NEUROD1: variants seen among roughly 807,000 people sequenced by gnomAD.
NEUROD1 encodes the protein neurogenic differentiation factor 1.
In NEUROD1, 9 loss-of-function variants were observed where a neutral mutation model predicts 21.8. The observed-to-expected ratio is 0.41, with a 90% CI of 0.25 to 0.72. The LOEUF is 0.72. Ranked by LOEUF, NEUROD1 falls within the 30% of genes least tolerant of loss-of-function variation. The pLI is 0.31. For synonymous variants in NEUROD1, 199 were observed against 186.2 expected, an observed-to-expected ratio of 1.07 and a Z score of -0.56; for missense variants, 434 against 468.8, an observed-to-expected ratio of 0.93 and a Z score of 0.69.
At chr2:181,679,123 C>A (rs1182068540) in intron 1 of NEUROD1, among the ~76,000 whole-genome samples, 1 of 152,130 alleles carries the variant, frequency 6.6e-6, no homozygotes, top group Non-Finnish European at 1.5e-5. Flanking sequence ...TATGTGTACA[C>A]CACTCACGCA....
chr2:181,679,255 TACTC>T (rs1688655101), intron 1 of NEUROD1, among the ~76,000 whole-genome samples: 1 of 148,878 alleles, frequency 6.7e-6, no homozygotes, highest in Non-Finnish European at 1.5e-5. Flanking sequence ...TGTTCAAAGT[TACTC>T]ACAACTCCAT....
exon 2 of NEUROD1, among the ~76,000 whole-genome samples, chr2:181,671,021 G>T (rs1040924984): frequency 8.5e-6 from 1 of 118,278 alleles, no homozygotes; most frequent in Non-Finnish European, 1.8e-5. Flanking sequence ...TATAGCATAT[G>T]TGTGCACACA....
rs966229949 is a variant in NEUROD1 at position 181,677,240 on chromosome 2, A to G, written c.*550T>C. ...TTAGTTAAATTATTTTGTATAAATTAGATATAATTCTACTTTTCTGATATG... is the reference window on the plus strand; with the variant it reads ...TTAGTTAAATTATTTTGTATAAATTGGATATAATTCTACTTTTCTGATATG... On this transcript the variant is annotated 3_prime_UTR_variant, in exon 2 of 2. Coordinates refer to ENST00000295108, the MANE Select transcript of NEUROD1 (RefSeq NM_002500.5). 1.3e-5 allele frequency: 2 copies of G among 148,890 alleles called. No homozygotes were observed. Among genetic ancestry groups the G allele is most frequent in the African/African-American group, 4.9e-5 (2 of 40,556 alleles). The allele number at this position is 148,890 out of a possible 1,614,324, so 9.2% of individuals were successfully genotyped here.
At chr2:181,674,842 C>A (rs965778412), downstream of NEUROD1, among the ~76,000 whole-genome samples, 3 of 151,470 alleles carry the variant, frequency 2.0e-5, no homozygotes, top group African/African-American at 7.3e-5. Flanking sequence ...GTCTTCATTT[C>A]TACCTTACAA....
downstream of NEUROD1, among the ~76,000 whole-genome samples, chr2:181,671,951 A>G (rs1339188644): frequency 2.0e-5 from 3 of 152,200 alleles, no homozygotes; most frequent in Non-Finnish European, 4.4e-5. Context: ...AACACTAAAA[A>G]GATAGTATTG....
downstream of NEUROD1, among the ~76,000 whole-genome samples, chr2:181,674,672 T>A (rs967570891): frequency 1.3e-5 from 2 of 152,200 alleles, no homozygotes; most frequent in Non-Finnish European, 2.9e-5. Context: ...ATCATTTTCA[T>A]AAATTAAATC....
At chr2:181,679,854 G>C (rs527864880) in intron 1 of NEUROD1, among the ~76,000 whole-genome samples, 2 of 152,190 alleles carry the variant, frequency 1.3e-5, no homozygotes, top group African/African-American at 4.8e-5. Context: ...GTGGCTGCTG[G>C]GGACTTGGCC....
At chr2:181,672,635 A>G (rs1246464261), downstream of NEUROD1, among the ~76,000 whole-genome samples, 2 of 152,232 alleles carry the variant, frequency 1.3e-5, no homozygotes, top group African/African-American at 4.8e-5. Context: ...AGTTGAAGTC[A>G]GTTGCTATTT....
downstream of NEUROD1, among the ~76,000 whole-genome samples, chr2:181,670,005 A>C (rs1688474058): frequency 6.6e-6 from 1 of 152,186 alleles, no homozygotes; most frequent in African/African-American, 2.4e-5. Context: ...ATGGCACTTA[A>C]ATTCATTTGG....
chr2:181,675,933 C>T (rs1454601933), downstream of NEUROD1, among the ~76,000 whole-genome samples: 2 of 152,128 alleles, frequency 1.3e-5, no homozygotes, highest in African/African-American at 4.8e-5. Context: ...CCCTTTGGTA[C>T]TTCCTAAAGG....
At chr2:181,670,314 TA>T (rs1688480108), downstream of NEUROD1, among the ~76,000 whole-genome samples, 1 of 152,198 alleles carries the variant, frequency 6.6e-6, no homozygotes, top group South Asian at 2.1e-4. Context: ...ACATGAATAA[TA>T]AACAATAAAA....
downstream of NEUROD1, among the ~76,000 whole-genome samples, chr2:181,668,813 G>A (rs1688455745): frequency 1.3e-5 from 2 of 152,096 alleles, no homozygotes; most frequent in African/African-American, 2.4e-5. Flanking sequence ...AATTTGCTTG[G>A]CCCTAAGCCC....
Position 181,678,015 on chromosome 2 carries a change from G to A in NEUROD1, c.846C>T (p.Asn282=), listed in dbSNP as rs779493348. 6.2e-7 allele frequency: 1 copy of A among 1,614,242 alleles called. No individual in the cohort carries two copies. The highest frequency in any genetic ancestry group is 2.2e-5 in the East Asian group (1 of 44,892). Residue 282 remains asparagine, a synonymous_variant, in exon 2 of 2, where the codon AAC becomes AAT. Coordinates refer to ENST00000295108, the MANE Select transcript of NEUROD1 (RefSeq NM_002500.5). This position sits in a 1 kb window ranked among gnomAD's most constrained non-coding sequence, Gnocchi z 5.5. ...PLSPPLSING[N]FSFKHEPSAE... is the part of the protein sequence containing the mutation. ...CGGACGGTTCGTGTTTGAAAGAGAAGTTGCCATTGATGCTGAGCGGCGGGC... is the reference window on the plus strand; with the variant it reads ...CGGACGGTTCGTGTTTGAAAGAGAAATTGCCATTGATGCTGAGCGGCGGGC...
downstream of NEUROD1, among the ~76,000 whole-genome samples, chr2:181,669,018 C>T (rs1688459271): frequency 6.6e-6 from 1 of 152,168 alleles, no homozygotes; most frequent in Non-Finnish European, 1.5e-5. Flanking sequence ...TCTCTTTCTA[C>T]CCTGACTCCT....
downstream of NEUROD1, among the ~76,000 whole-genome samples, chr2:181,669,043 G>A (rs1688459768): frequency 6.6e-6 from 1 of 152,080 alleles, no homozygotes; most frequent in Admixed American, 6.6e-5. Context: ...CTGGATATAA[G>A]TCCTTCCAGT....
Position 181,679,209 on chromosome 2 carries a change from A to G in NEUROD1, c.-11-338T>C, listed in dbSNP as rs181742390. Reference sequence around the variant, plus strand: ...CGACAGGATAATGTGTGTGGAAATGACTGTACATTTCAGCGACTTCATGTT... The same window carrying G: ...CGACAGGATAATGTGTGTGGAAATGGCTGTACATTTCAGCGACTTCATGTT... On this transcript the variant is annotated intron_variant, in intron 1 of 1. Transcript: ENST00000295108. 6.1e-3 allele frequency among the ~76,000 whole-genome samples: 931 copies of G among 151,902 alleles called. 7 individuals carry two copies. The highest frequency in any genetic ancestry group is 0.021 in the African/African-American group (888 of 41,392).
Position 181,677,029 on chromosome 2 carries a change from C to T in NEUROD1, c.*761G>A, listed in dbSNP as rs1237740837. 1.4e-5 allele frequency: 2 copies of T among 142,054 alleles called. No homozygotes were observed. Among genetic ancestry groups the T allele is most frequent in the African/African-American group, 2.6e-5 (1 of 38,474 alleles). 8.8% of individuals were successfully genotyped at this position (142,054 alleles called of 1,614,324 possible). On this transcript the variant is annotated 3_prime_UTR_variant, in exon 2 of 2. Coordinates refer to ENST00000295108, the MANE Select transcript of NEUROD1 (RefSeq NM_002500.5). ...TAGGGAATGTATCTCTTAATTTTTT[C>T]TTCTCTTGAAAATTATGATTCTGGT...
Position 181,677,524 on chromosome 2 carries a change from CAAATTCGTGGTGTATTTTTTAAACT to C in NEUROD1, c.*241_*265del. ...TAATACGATCTGAATACAGCCACAC[CAAATTCGTGGTGTATTTTTTAAACT>C]TTACTGTATTTTTTTATTTTTTAAA... is the stretch of plus-strand genomic sequence containing the variant. On this transcript the variant is annotated 3_prime_UTR_variant, in exon 2 of 2. Transcript: ENST00000295108. The C allele has an allele frequency of 2.2e-6, 1 of 455,266 alleles. No homozygotes were observed. The highest frequency in any genetic ancestry group is 3.6e-5 in the Admixed American group (1 of 27,498). The allele number at this position is 455,266 out of a possible 1,614,324, so 28.2% of individuals were successfully genotyped here.
At chr2:181,671,025 G>GCGCA (rs1553528390) in exon 2 of NEUROD1, among the ~76,000 whole-genome samples, 24 of 146,706 alleles carry the variant, frequency 1.6e-4, no homozygotes, top group African/African-American at 2.8e-4. Context: ...GCATATGTGT[G>GCGCA]CACACACACA....
Sources: gnomAD v4.1 joint callset for allele counts (sites outside exome capture counted in the v4.1 genomes callset) on GRCh38, gnomAD v4.1.1 for gene constraint, Gnocchi (gnomAD v3.1) non-coding constraint, MANE v1.5 for transcripts, NCBI Gene and HGNC (gene_info 2026-07-23, HGNC 2026-07-21) for gene names.